FAM228B: variants seen among roughly 807,000 people sequenced by gnomAD.
FAM228B encodes protein FAM228B.
A neutral mutation model predicts 42.6 loss-of-function variants in FAM228B; 38 were observed. The observed-to-expected ratio is 0.89, with a 90% CI of 0.69 to 1.17. The LOEUF (loss-of-function observed/expected upper bound fraction) is 1.17, where lower values mean the gene tolerates loss of function less well. FAM228B is among the 50% of genes most tolerant of loss of function. FAM228B has a pLI of 0.00. For synonymous variants in FAM228B, 109 were observed against 122.3 expected (o/e 0.89, Z 0.72); for missense variants, 344 against 367.3 (o/e 0.94, Z 0.52).
chr2:24,161,572 T>C lies in FAM228B; in HGVS notation c.753T>C (p.Tyr251=), dbSNP rs955891018. The C allele has an allele frequency of 1.8e-5, 28 of 1,547,526 alleles. No homozygotes were observed. The Admixed American group carries it at 5.5e-4, about 30-fold the overall frequency. The change falls in exon 8 of 11, where the codon TAT becomes TAC. Residue 251 remains tyrosine (Y), a synonymous_variant. Transcript: ENST00000615575. The stretch of plus-strand genomic sequence containing the variant: ...TGAAACCTTTGGCAAGAGCTCCTTA[T>C]CTTTTGGAATCCCAGGAAGAAGAAA... The part of the protein sequence containing the change: ...FDLKPLARAP[Y]LLESQEEEKT...
At chr2:24,141,868 C>T (rs1239197570) in intron 5 of FAM228B, among the ~76,000 whole-genome samples, 2 of 152,142 alleles carry the variant, frequency 1.3e-5, no homozygotes, top group Non-Finnish European at 2.9e-5. Flanking sequence ...AGTGGTCCCA[C>T]AGCCTCCCAA....
At chr2:24,137,664 T>G (rs1666622253) in intron 3 of FAM228B, among the ~76,000 whole-genome samples, 1 of 152,198 alleles carries the variant, frequency 6.6e-6, no homozygotes, top group Non-Finnish European at 1.5e-5. Context: ...TGCTTTTGAT[T>G]TGTTCTTTAG....
At chr2:24,160,353 A>G (rs1269017316) in intron 7 of FAM228B, among the ~76,000 whole-genome samples, 3 of 152,100 alleles carry the variant, frequency 2.0e-5, no homozygotes, top group Admixed American at 2.0e-4. Flanking sequence ...ATTCATGTTT[A>G]TCATCAGTTC....
At chr2:24,085,195 A>G (rs1269134989) in intron 2 of FAM228B, 1 of 152,102 alleles carries the variant, frequency 6.6e-6, no homozygotes, top group Non-Finnish European at 1.5e-5. Flanking sequence ...GGTGCTGCTA[A>G]GAGAAGAGAA....
chr2:24,147,639 T>G (rs1235424495), intron 7 of FAM228B, among the ~76,000 whole-genome samples: 1 of 152,200 alleles, frequency 6.6e-6, no homozygotes, highest in Non-Finnish European at 1.5e-5. Context: ...TTAAGTTCAC[T>G]GCCCTTCCTT....
At chr2:24,148,870 C>A (rs1666957166) in intron 7 of FAM228B, among the ~76,000 whole-genome samples, 1 of 152,114 alleles carries the variant, frequency 6.6e-6, no homozygotes, top group Non-Finnish European at 1.5e-5. Context: ...TTACCCTTTA[C>A]CCTCCCAATA....
intron 2 of FAM228B, among the ~76,000 whole-genome samples, chr2:24,125,219 A>G (rs978432973): frequency 1.3e-5 from 2 of 152,018 alleles, no homozygotes; most frequent in African/African-American, 4.8e-5. Flanking sequence ...TGTCTCCACA[A>G]ACGAACGAAC....
In FAM228B at chr2:24,124,326, T is replaced by G. The variant is rs1666243955; in HGVS notation, c.-32-4T>G. On this transcript the variant is annotated splice_region_variant and splice_polypyrimidine_tract_variant and intron_variant, in intron 1 of 10. Coordinates refer to ENST00000615575, the MANE Select transcript of FAM228B (RefSeq NM_001145710.2). ...TGTTCAATACTAAATAAGATGATTT[T>G]TAGTTTTTCCAGGGGCATTGTTATT... 1 of 1,358,252 alleles carries G rather than the reference T, an allele frequency of 7.4e-7. No individual in the cohort carries two copies. The highest frequency in any genetic ancestry group is 1.0e-6 in the Non-Finnish European group (1 of 982,226). The allele number at this position is 1,358,252 out of a possible 1,614,324, so 84.1% of individuals were successfully genotyped here.
At chr2:24,119,995 G>A (rs1666052380), upstream of FAM228B, among the ~76,000 whole-genome samples, 2 of 152,146 alleles carry the variant, frequency 1.3e-5, no homozygotes, top group Admixed American at 1.3e-4. Flanking sequence ...TAGGCCGGGT[G>A]CAGTGGCTCC....
chr2:24,124,118 G>A, intron 1 of FAM228B: 1 of 351,996 alleles, frequency 2.8e-6, no homozygotes, highest in Non-Finnish European at 5.1e-6. Context: ...CAAGGGACGG[G>A]GGATTCTTTC....
rs11896092 is a variant in FAM228B at position 24,094,957 on chromosome 2, G to T, written c.-209-184G>T. On this transcript the variant is annotated intron_variant, in intron 2 of 10. Coordinates refer to the FAM228B transcript ENST00000613899. ...AAAATACCAAAAAAATTAGCCTGGC[G>T]TGGTGGCACACACTCATAGTCCTAG... Among the ~76,000 whole-genome samples, 6 of 152,082 alleles carry T rather than the reference G, an allele frequency of 3.9e-5. No homozygotes were observed. In the South Asian group the frequency reaches 1.2e-3, roughly 32 times the overall value.
At position 24,079,696 on chromosome 2, in the gene FAM228B, A is replaced by G; in HGVS notation, c.-289-1180A>G. The stretch of plus-strand genomic sequence containing the variant: ...TCAGCTTGGTGCTAAATAAGATACC[A>G]TGGTATATTTGGGGATTATGGATAT... On this transcript the variant is annotated intron_variant, in intron 1 of 10. Coordinates refer to the FAM228B transcript ENST00000613899. 3 of 1,545,794 alleles carry G rather than the reference A, an allele frequency of 1.9e-6. No homozygotes were observed. In the South Asian group the frequency reaches 3.4e-5, roughly 17 times the overall value.
intron 7 of FAM228B, among the ~76,000 whole-genome samples, chr2:24,154,656 C>T (rs1667093692): frequency 6.6e-6 from 1 of 152,152 alleles, no homozygotes; most frequent in Admixed American, 6.5e-5. Flanking sequence ...CCACCCTTTC[C>T]TCTCATGTTC....
In FAM228B at chr2:24,137,937, C is replaced by T. The variant is rs1666629249; in HGVS notation, c.197C>T (p.Ala66Val). The change falls in exon 4 of 11, where the codon GCC becomes GTC. Residue 66 changes from alanine to valine, a missense_variant. Ala to Val is a moderately conservative substitution (Grantham distance 64, BLOSUM62 0). Transcript: ENST00000615575. Reference protein sequence around the residue: ...KELDKYLQHHAFLNARRKEML... With the variant: ...KELDKYLQHHVFLNARRKEML... Reference sequence around the variant, plus strand: ...CTAGATAAGTATTTACAACATCATGCCTTCTTAAATGCAAGAAGAAAGGAG... The same window carrying T: ...CTAGATAAGTATTTACAACATCATGTCTTCTTAAATGCAAGAAGAAAGGAG... 6.5e-7 allele frequency: 1 copy of T among 1,537,868 alleles called. No homozygotes were observed. The highest frequency in any genetic ancestry group is 1.4e-5 in the African/African-American group (1 of 71,836).
At position 24,084,325 on chromosome 2, in the gene FAM228B, A is replaced by G. The variant is rs780298032; in HGVS notation, c.-210+3370A>G. The G allele has an allele frequency of 6.2e-6, 10 of 1,613,436 alleles. 1 individual carries two copies. The highest frequency in any genetic ancestry group is 8.5e-6 in the Non-Finnish European group (10 of 1,179,892). On this transcript the variant is annotated intron_variant, in intron 2 of 10. Coordinates refer to the FAM228B transcript ENST00000613899. The surrounding 1 kb of genome is among the most constrained non-coding windows in gnomAD (Gnocchi z 8.4). ...CGGCTTGTCAAAGTGCACGGCTAAC[A>G]TATTGTCTGAGGACACAGGGCAGGG...
intron 3 of FAM228B, among the ~76,000 whole-genome samples, chr2:24,107,988 G>A (rs757207869): frequency 2.0e-5 from 3 of 152,016 alleles, no homozygotes; most frequent in Non-Finnish European, 2.9e-5. Flanking sequence ...TCCAGAAATC[G>A]GTTCTTTGAA....
Position 24,095,071 on chromosome 2 carries a change from T to TTA in FAM228B, c.-209-70_-209-69insTA, listed in dbSNP as rs1259900423. The TTA allele has an allele frequency of 6.6e-6, 1 of 152,188 alleles. No homozygotes were observed. The highest frequency in any genetic ancestry group is 1.5e-5 in the Non-Finnish European group (1 of 68,050). 9.4% of individuals were successfully genotyped at this position (152,188 alleles called of 1,614,324 possible). ...AGATTGCGCCACTGCACTCCAGCCT[T>TTA]ATATTAGAGCAATTTGATATTTATT... On this transcript the variant is annotated intron_variant, in intron 2 of 10. Coordinates refer to the FAM228B transcript ENST00000613899. The surrounding 1 kb of genome is among the most constrained non-coding windows in gnomAD (Gnocchi z 4.8).
intron 7 of FAM228B, among the ~76,000 whole-genome samples, chr2:24,156,869 T>C (rs1236739291): frequency 6.6e-6 from 1 of 151,566 alleles, no homozygotes; most frequent in Admixed American, 6.6e-5. Context: ...GATCTCTTTA[T>C]TTCTCTTCTG....
At chr2:24,119,650 A>G, upstream of FAM228B, 2 of 1,613,622 alleles carry the variant, frequency 1.2e-6, no homozygotes, top group Middle Eastern at 1.6e-4. Context: ...GAAGATACAG[A>G]TGGGTCTTCA....
Sources: gnomAD v4.1 joint callset for allele counts (sites outside exome capture counted in the v4.1 genomes callset) on GRCh38, gnomAD v4.1.1 for gene constraint, Gnocchi (gnomAD v3.1) non-coding constraint, MANE v1.5 for transcripts, NCBI Gene and HGNC (gene_info 2026-07-23, HGNC 2026-07-21) for gene names.